LRCH4: variants seen among roughly 807,000 people sequenced by gnomAD.
The protein encoded by LRCH4 is leucine-rich repeat and calponin homology domain-containing protein 4.
In LRCH4, 56 loss-of-function variants were observed where a neutral mutation model predicts 81.2. That is an observed-to-expected ratio of 0.69 (90% CI 0.56 to 0.86). The LOEUF (loss-of-function observed/expected upper bound fraction) is 0.86, where lower values mean the gene tolerates loss of function less well. Among genes scored for constraint, LRCH4 ranks in the 40% least tolerant of loss-of-function variants. The pLI is 0.00. For synonymous variants in LRCH4, 442 were observed against 409.7 expected, an observed-to-expected ratio of 1.08 and a Z score of -0.95; for missense variants, 895 against 922.8, an observed-to-expected ratio of 0.97 and a Z score of 0.39.
Position 100,574,330 on chromosome 7 carries a change from G to A in LRCH4, c.*777C>T. 5.9e-6 allele frequency: 1 copy of A among 169,790 alleles called. No homozygotes were observed. Among genetic ancestry groups the A allele is most frequent in the Non-Finnish European group, 1.3e-5 (1 of 75,940 alleles). 10.5% of individuals were successfully genotyped at this position (169,790 alleles called of 1,614,324 possible). A position where few individuals can be genotyped will look rare whatever the true frequency, so the allele number is the denominator to read the frequency against. The stretch of plus-strand genomic sequence containing the variant: ...TTCCCGGGGCCCCCTCCTCTTCCAG[G>A]ATGTGGTGGGGCTGGCACAGTGACT... On this transcript the variant is annotated 3_prime_UTR_variant, in exon 18 of 18. Transcript: ENST00000310300.
chr7:100,575,589 G>C lies in LRCH4; in HGVS notation c.1854+116C>G. Reference sequence around the variant, plus strand: ...AGGGGGCATGCTGGGCAGGGCAGGGGCAGCCTGTGCCTTCATCTGAGAGCA... The same window carrying C: ...AGGGGGCATGCTGGGCAGGGCAGGGCCAGCCTGTGCCTTCATCTGAGAGCA... On this transcript the variant is annotated intron_variant, in intron 17 of 17. Coordinates refer to ENST00000310300, the MANE Select transcript of LRCH4 (RefSeq NM_002319.5). The surrounding 1 kb of genome is among the most constrained non-coding windows in gnomAD (Gnocchi z 5.3). The C allele has an allele frequency of 7.8e-7, 1 of 1,277,710 alleles. No homozygotes were observed. Among genetic ancestry groups the C allele is most frequent in the Non-Finnish European group, 1.1e-6 (1 of 875,790 alleles). The allele number at this position is 1,277,710 out of a possible 1,614,324, so 79.1% of individuals were successfully genotyped here.
Position 100,582,402 on chromosome 7 carries a change from A to G in LRCH4, c.278T>C (p.Leu93Pro), listed in dbSNP as rs1801587836. The stretch of plus-strand genomic sequence containing the variant: ...ATTGTGGTAGAGGCTCAGGCCCTCC[A>G]GGGACACCAGCTGGCACGCCGCCTC... ...VPEAACQLVS[L>P]EGLSLYHNCL... The change falls in exon 2 of 18, where the codon CTG (leucine) becomes CCG (proline). Residue 93 changes from leucine (L) to proline (P), a missense_variant. Leu to Pro is a moderately conservative substitution (Grantham distance 98, BLOSUM62 -3). Transcript: ENST00000310300. This position sits in a 1 kb window ranked among gnomAD's most constrained non-coding sequence, Gnocchi z 5.0. The G allele has an allele frequency of 6.2e-7, 1 of 1,613,834 alleles. No individual in the cohort carries two copies. Among genetic ancestry groups the G allele is most frequent in the Non-Finnish European group, 8.5e-7 (1 of 1,180,010 alleles).
At position 100,576,275 on chromosome 7, in the gene LRCH4, AC is replaced by A; in HGVS notation, c.1600del (p.Val534PhefsTer7). ...SVLRPRRYPQ[V>X]PDEKDLMTQL... ...AGTCATTAAGTCCTTCTCATCTGGAACCTGGGGGTACCGCCGAGGTCTCAGG... is the reference window on the plus strand; with the variant it reads ...AGTCATTAAGTCCTTCTCATCTGGAACTGGGGGTACCGCCGAGGTCTCAGG... On this transcript the variant is annotated frameshift_variant, in exon 15 of 18. Coordinates refer to ENST00000310300, the MANE Select transcript of LRCH4 (RefSeq NM_002319.5). LOFTEE classifies it high-confidence loss of function. The A allele has an allele frequency of 6.2e-7, 1 of 1,614,014 alleles. No individual in the cohort carries two copies.
At position 100,586,027 on chromosome 7, in the gene LRCH4, G is replaced by C. The variant is rs377121985; in HGVS notation, c.74C>G (p.Ser25Cys). Residue 25 changes from serine to cysteine, a missense_variant, in exon 1 of 18, where the codon TCT becomes TGT. By Grantham distance (112) the Ser-to-Cys change is moderately radical (BLOSUM62 -1). Coordinates refer to ENST00000310300, the MANE Select transcript of LRCH4 (RefSeq NM_002319.5). ...EAAATTSVPGSPGLPGRRSAE... is the reference protein window; with the variant it reads ...EAAATTSVPGCPGLPGRRSAE... The stretch of plus-strand genomic sequence containing the variant: ...ACTGCGTCTCCCCGGCAGACCTGGA[G>C]ACCCGGGCACGGAGGTCGTGGCTGC... The C allele has an allele frequency of 2.6e-5, 41 of 1,602,944 alleles. No homozygotes were observed. The highest frequency in any genetic ancestry group is 3.5e-5 in the Non-Finnish European group (41 of 1,175,168).
At chr7:100,584,678 C>A in intron 1 of LRCH4, 1 of 456,498 alleles carries the variant, frequency 2.2e-6, no homozygotes, top group South Asian at 1.5e-5. Flanking sequence ...CTCACTCATT[C>A]CCCATCTCAA....
At chr7:100,581,488 C>A in intron 4 of LRCH4, 1 of 346,662 alleles carries the variant, frequency 2.9e-6, no homozygotes, top group Non-Finnish European at 5.4e-6. Flanking sequence ...AGGGTGGAGC[C>A]CTCATCAGTG....
Position 100,577,568 on chromosome 7 carries a change from G to A in LRCH4, c.1117-10C>T. On this transcript the variant is annotated splice_polypyrimidine_tract_variant and intron_variant, in intron 9 of 17. Coordinates refer to ENST00000310300, the MANE Select transcript of LRCH4 (RefSeq NM_002319.5). The surrounding 1 kb of genome is among the most constrained non-coding windows in gnomAD (Gnocchi z 6.7). ...CGGGTGGTCGCTGCTCCTAAGGAGA[G>A]AACAGCAGAGCAGCTGAGGGCAGGC... 1.2e-6 allele frequency: 2 copies of A among 1,611,186 alleles called. No homozygotes were observed. The highest frequency in any genetic ancestry group is 2.2e-5 in the East Asian group (1 of 44,866).
rs773247187 is a variant in LRCH4 at position 100,577,447 on chromosome 7, TG to T, written c.1178+49del. The T allele has an allele frequency of 2.5e-6, 4 of 1,602,052 alleles. No homozygotes were observed. The highest frequency in any genetic ancestry group is 4.5e-5 in the East Asian group (2 of 44,852). ...CCCCGGGGTCAGGGAAGGAGGCGGT[TG>T]GGGGGTGGGAGGATCGGGCAGTGGC... is the stretch of plus-strand genomic sequence containing the variant. On this transcript the variant is annotated intron_variant, in intron 10 of 17. Coordinates refer to ENST00000310300, the MANE Select transcript of LRCH4 (RefSeq NM_002319.5). The surrounding 1 kb of genome is among the most constrained non-coding windows in gnomAD (Gnocchi z 6.7).
Position 100,582,537 on chromosome 7 carries a change from T to C in LRCH4, c.221-78A>G. 1 of 1,446,594 alleles carries C rather than the reference T, an allele frequency of 6.9e-7. No homozygotes were observed. The allele number at this position is 1,446,594 out of a possible 1,614,324, so 89.6% of individuals were successfully genotyped here. A position where few individuals can be genotyped will look rare whatever the true frequency, so the allele number is the denominator to read the frequency against. On this transcript the variant is annotated intron_variant, in intron 1 of 17. Coordinates refer to ENST00000310300, the MANE Select transcript of LRCH4 (RefSeq NM_002319.5). This position sits in a 1 kb window ranked among gnomAD's most constrained non-coding sequence, Gnocchi z 5.0. Reference sequence around the variant, plus strand: ...GACCTTCAGTCCCCCCAGAGCCGGCTGCCCACTCCCTCACCTCCACACCTA... The same window carrying C: ...GACCTTCAGTCCCCCCAGAGCCGGCCGCCCACTCCCTCACCTCCACACCTA...
In LRCH4 at chr7:100,581,787, C is replaced by G. The variant is rs776759966; in HGVS notation, c.588G>C (p.Thr196=). The G allele has an allele frequency of 6.2e-7, 1 of 1,613,984 alleles. No individual in the cohort carries two copies. Among genetic ancestry groups the G allele is most frequent in the Admixed American group, 1.7e-5 (1 of 59,984 alleles). The change falls in exon 4 of 18, where the codon ACG becomes ACC. Residue 196 remains threonine, a synonymous_variant. Coordinates refer to ENST00000310300, the MANE Select transcript of LRCH4 (RefSeq NM_002319.5). ...CTTCATTCTTCTCACCTTCGGGCAG[C>G]GTACTGAGCTGGTTCCTCCGGACAT... ...DLNVRRNQLS[T]LPEELGDLPL...
chr7:100,576,862 C>T, intron 13 of LRCH4, 40 bp downstream of exon 13: 3 of 1,538,490 alleles, frequency 1.9e-6, no homozygotes, highest in East Asian at 4.9e-5. Flanking sequence ...CAGCCCTCAC[C>T]AACACAGGCC....
Position 100,575,615 on chromosome 7 carries a change from G to T in LRCH4, c.1854+90C>A. On this transcript the variant is annotated intron_variant, in intron 17 of 17. Transcript: ENST00000310300. The surrounding 1 kb of genome is among the most constrained non-coding windows in gnomAD (Gnocchi z 5.3). ...CAGCCTGTGCCTTCATCTGAGAGCA[G>T]ACATCCGCTGCAAATGGAAGCCCAC... The T allele has an allele frequency of 6.8e-7, 1 of 1,472,826 alleles. No individual in the cohort carries two copies. Among genetic ancestry groups the T allele is most frequent in the South Asian group, 1.1e-5 (1 of 88,226 alleles). The allele number at this position is 1,472,826 out of a possible 1,614,324, so 91.2% of individuals were successfully genotyped here.
chr7:100,577,448 G>C lies in LRCH4; in HGVS notation c.1178+49C>G, dbSNP rs772749927. Reference sequence around the variant, plus strand: ...CCCGGGGTCAGGGAAGGAGGCGGTTGGGGGGTGGGAGGATCGGGCAGTGGC... The same window carrying C: ...CCCGGGGTCAGGGAAGGAGGCGGTTCGGGGGTGGGAGGATCGGGCAGTGGC... On this transcript the variant is annotated intron_variant, in intron 10 of 17. Transcript: ENST00000310300. This position sits in a 1 kb window ranked among gnomAD's most constrained non-coding sequence, Gnocchi z 6.7. 4 of 1,602,194 alleles carry C rather than the reference G, an allele frequency of 2.5e-6. No homozygotes were observed. The highest frequency in any genetic ancestry group is 3.4e-6 in the Non-Finnish European group (4 of 1,179,554).
rs1487773306 is a variant in LRCH4 at position 100,574,244 on chromosome 7, CT to C, written c.*862del. 1 of 185,792 alleles carries C rather than the reference CT, an allele frequency of 5.4e-6. No homozygotes were observed. The allele number at this position is 185,792 out of a possible 1,614,324, so 11.5% of individuals were successfully genotyped here. ...GGCGGGGTGGGCCCTGTGCCCCCAC[CT>C]TCACCCCTAAGGCCGGTCCAGCAGG... On this transcript the variant is annotated 3_prime_UTR_variant, in exon 18 of 18. Coordinates refer to ENST00000310300, the MANE Select transcript of LRCH4 (RefSeq NM_002319.5).
rs1327292211 is a variant in LRCH4 at position 100,574,904 on chromosome 7, C to G, written c.*203G>C. On this transcript the variant is annotated 3_prime_UTR_variant, in exon 18 of 18. Coordinates refer to ENST00000310300, the MANE Select transcript of LRCH4 (RefSeq NM_002319.5). Reference sequence around the variant, plus strand: ...CCGTCAGCACTGAGAGGTGGGGACTCGTGGGGCTACTGGAGGGAGGCCAGA... The same window carrying G: ...CCGTCAGCACTGAGAGGTGGGGACTGGTGGGGCTACTGGAGGGAGGCCAGA... The G allele has an allele frequency of 5.4e-6, 3 of 555,900 alleles. No individual in the cohort carries two copies. The highest frequency in any genetic ancestry group is 9.6e-6 in the Non-Finnish European group (3 of 312,698). The allele number at this position is 555,900 out of a possible 1,614,324, so 34.4% of individuals were successfully genotyped here.
Position 100,577,927 on chromosome 7 carries a change from G to A in LRCH4, c.949-15C>T. On this transcript the variant is annotated splice_polypyrimidine_tract_variant and intron_variant, in intron 7 of 17. Transcript: ENST00000310300. The surrounding 1 kb of genome is among the most constrained non-coding windows in gnomAD (Gnocchi z 6.7). ...TCATCTGTTGACTGTAAAGGCAGAG[G>A]CAGAGATGGGAGATGGCCTCTCTGT... 1.2e-6 allele frequency: 2 copies of A among 1,607,162 alleles called. No individual in the cohort carries two copies. The highest frequency in any genetic ancestry group is 1.7e-6 in the Non-Finnish European group (2 of 1,173,924).
rs200754389 is a variant in LRCH4 at position 100,581,918 on chromosome 7, A to T, written c.493-36T>A. On this transcript the variant is annotated intron_variant, in intron 3 of 17. Coordinates refer to ENST00000310300, the MANE Select transcript of LRCH4 (RefSeq NM_002319.5). ...GAAGGCAGTGGGAAGGGGCCATGAG[A>T]CCAGGCCCAGCAGAACCCACCCTCC... The T allele has an allele frequency of 1.4e-4, 232 of 1,610,722 alleles. 1 individual carries two copies. The East Asian group carries it at 4.7e-3, about 32-fold the overall frequency.
chr7:100,576,354 T>C (rs1160597296), intron 14 of LRCH4, 31 bp from the exon 15 acceptor site: 1 of 1,504,656 alleles, frequency 6.6e-7, no homozygotes, highest in East Asian at 2.3e-5. Flanking sequence ...TGGGGCTGCC[T>C]CCACTGCTCA....
intron 3 of LRCH4, 63 bp downstream of exon 3, chr7:100,581,977 TC>T: frequency 6.3e-7 from 1 of 1,599,262 alleles, no homozygotes; most frequent in Non-Finnish European, 8.5e-7. Flanking sequence ...CTCCCCAACC[TC>T]CCCCTAGAAG....
Sources: gnomAD v4.1 joint callset for allele counts on GRCh38, gnomAD v4.1.1 for gene constraint, Gnocchi (gnomAD v3.1) non-coding constraint, MANE v1.5 for transcripts, NCBI Gene and HGNC (gene_info 2026-07-23, HGNC 2026-07-21) for gene names.